The following TNIK variants were observed in gnomAD, a reference collection of about 807,000 sequenced individuals.
TNIK encodes the protein TRAF2 and NCK interacting kinase.
TNIK carries 49 observed loss-of-function variants against 191.3 expected under a neutral mutation model. The ratio of observed to expected loss-of-function variants is 0.26; its 90% CI spans 0.20 to 0.32. TNIK has a LOEUF of 0.32. Among genes scored for constraint, TNIK ranks in the 10% least tolerant of loss-of-function variants. The pLI is 1.00. For missense variants in TNIK, 1,155 were observed against 1,702.3 expected, an observed-to-expected ratio of 0.68 and a Z score of 5.66; for synonymous variants, 594 against 600.9, an observed-to-expected ratio of 0.99 and a Z score of 0.17.
At chr3:171,155,779 C>T (rs1312604956) in intron 12 of TNIK, among the ~76,000 whole-genome samples, 1 of 152,218 alleles carries the variant, frequency 6.6e-6, no homozygotes, top group Non-Finnish European at 1.5e-5. Flanking sequence ...GGATAAAAGA[C>T]TATAGACATA....
chr3:171,249,772 TGAGGCAAGTAGCGTCTTTCCCTGTCA>T (rs1297762316), intron 2 of TNIK, among the ~76,000 whole-genome samples: 46 of 152,316 alleles, frequency 3.0e-4, no homozygotes, highest in African/African-American at 1.1e-3. Context: ...CATCCACTCT[TGAGGCAAGTAGCGTCTTTCCCTGTCA>T]GTTGGAACCA....
intron 1 of TNIK, among the ~76,000 whole-genome samples, chr3:171,400,572 C>CAATAAATAAATAAATAAATAAATA (rs10529118): frequency 0.12 from 18,117 of 145,506 alleles, 1,306 homozygotes; most frequent in Middle Eastern, 0.16. Flanking sequence ...TCCTATCTCA[C>CAATAAATAAATAAATAAATAAATA]AATAAATAAA....
chr3:171,241,291 A>G (rs535926023), intron 2 of TNIK, among the ~76,000 whole-genome samples: 4 of 152,234 alleles, frequency 2.6e-5, no homozygotes, highest in African/African-American at 9.6e-5. Context: ...CAGCCTCCCA[A>G]AGTGCTGGGA....
intron 4 of TNIK, among the ~76,000 whole-genome samples, chr3:171,195,743 G>C (rs1018669127): frequency 6.6e-6 from 1 of 151,986 alleles, no homozygotes; most frequent in African/African-American, 2.4e-5. Context: ...ATTCCACAAC[G>C]GCTAGGGAAA....
At chr3:171,339,736 A>G (rs1023836920) in intron 2 of TNIK, among the ~76,000 whole-genome samples, 3 of 152,162 alleles carry the variant, frequency 2.0e-5, no homozygotes, top group African/African-American at 7.2e-5. Context: ...AGCTCTCTGG[A>G]TGTCCTGATG....
At chr3:171,398,513 C>T (rs1177000962) in intron 1 of TNIK, among the ~76,000 whole-genome samples, 2 of 152,150 alleles carry the variant, frequency 1.3e-5, no homozygotes, top group African/African-American at 4.8e-5. Context: ...AATCCAAACT[C>T]CTCTTGGTAT....
chr3:171,294,449 G>A (rs181402403), intron 2 of TNIK, among the ~76,000 whole-genome samples: 15 of 151,878 alleles, frequency 9.9e-5, no homozygotes, highest in Admixed American at 7.2e-4. Context: ...GGCCAGTCGC[G>A]GTGGCTCACA....
intron 1 of TNIK, among the ~76,000 whole-genome samples, chr3:171,432,725 G>C (rs1725526783): frequency 6.6e-6 from 1 of 152,112 alleles, no homozygotes; most frequent in Non-Finnish European, 1.5e-5. Flanking sequence ...TAAGCAATGT[G>C]AAGCCTCATA....
chr3:171,316,729 A>C (rs1754635835), intron 2 of TNIK, among the ~76,000 whole-genome samples: 1 of 152,018 alleles, frequency 6.6e-6, no homozygotes, highest in Non-Finnish European at 1.5e-5. Context: ...AAAGGAAAAA[A>C]TATATAGGAA....
intron 2 of TNIK, among the ~76,000 whole-genome samples, chr3:171,290,172 C>T (rs1039953566): frequency 6.6e-6 from 1 of 152,160 alleles, no homozygotes; most frequent in African/African-American, 2.4e-5. Flanking sequence ...CATCAACAGT[C>T]GATCATGCAT....
At position 171,093,951 on chromosome 3, in the gene TNIK, C is replaced by A; in HGVS notation, c.2609G>T (p.Gly870Val). ...IPRLIPTGAP[G>V]SNEQYNVGMV... ...TCCCACATTGTACTGCTCGTTGCTG[C>A]CTGGAGCTCCTGTTGGTCTGAGATG... is the stretch of plus-strand genomic sequence containing the variant. The change falls in exon 23 of 33, where the codon GGC (glycine) becomes GTC (valine). Residue 870 changes from glycine (G) to valine (V), a missense_variant. Physicochemically the swap from Gly to Val is moderately radical, Grantham distance 109. This residue lies in a region of TNIK where 735 missense variants were observed against 848.0 expected (regional missense o/e 0.87). Transcript: ENST00000436636. 1 of 1,613,064 alleles carries A rather than the reference C, an allele frequency of 6.2e-7. No homozygotes were observed. Among genetic ancestry groups the A allele is most frequent in the African/African-American group, 1.3e-5 (1 of 75,000 alleles).
chr3:171,315,876 A>C (rs996009405), intron 2 of TNIK, among the ~76,000 whole-genome samples: 1 of 152,178 alleles, frequency 6.6e-6, no homozygotes, highest in Non-Finnish European at 1.5e-5. Context: ...TTACATCTGC[A>C]GAGACCCTAT....
chr3:171,147,380 C>T (rs537306964), intron 12 of TNIK, among the ~76,000 whole-genome samples: 15 of 152,262 alleles, frequency 9.9e-5, no homozygotes, highest in Admixed American at 2.6e-4. Context: ...ATAAGCTTCA[C>T]GGGAGCTATA....
chr3:171,364,011 G>A (rs1715349144), intron 2 of TNIK, among the ~76,000 whole-genome samples: 2 of 152,132 alleles, frequency 1.3e-5, no homozygotes, highest in Admixed American at 1.3e-4. Context: ...AAAAAGTATA[G>A]GATTAGCATT....
At chr3:171,238,128 A>C (rs1744524648) in intron 2 of TNIK, among the ~76,000 whole-genome samples, 2 of 152,202 alleles carry the variant, frequency 1.3e-5, no homozygotes, top group Non-Finnish European at 1.5e-5. Context: ...AGACCTGCAT[A>C]TTGTTCTCTG....
At chr3:171,446,195 A>G (rs532312031) in intron 1 of TNIK, among the ~76,000 whole-genome samples, 24 of 152,370 alleles carry the variant, frequency 1.6e-4, no homozygotes, top group East Asian at 5.8e-4. Flanking sequence ...GTGCATTTGT[A>G]TCCAGATTAT....
At chr3:171,123,415 T>A (rs1728034557) in intron 18 of TNIK, among the ~76,000 whole-genome samples, 181 bp downstream of exon 18, 2 of 152,254 alleles carry the variant, frequency 1.3e-5, no homozygotes, top group African/African-American at 4.8e-5. Flanking sequence ...GAATACTGAT[T>A]TCTCTGAAAA....
chr3:171,309,224 G>C (rs554846659), intron 2 of TNIK, among the ~76,000 whole-genome samples: 19 of 152,078 alleles, frequency 1.2e-4, no homozygotes, highest in Non-Finnish European at 2.6e-4. Context: ...GCATCCATGA[G>C]AAAGAATGAG....
chr3:171,224,660 A>T (rs1469761637), intron 3 of TNIK, among the ~76,000 whole-genome samples: 1 of 152,138 alleles, frequency 6.6e-6, no homozygotes, highest in Non-Finnish European at 1.5e-5. Flanking sequence ...TCTCATGAGT[A>T]CTTCAGAGGT....
Sources: allele counts gnomAD v4.1 joint callset (sites outside exome capture counted in the v4.1 genomes callset), GRCh38; gene constraint gnomAD v4.1.1; regional missense constraint gnomAD v4.1.1; transcripts MANE v1.5; gene names NCBI Gene and HGNC (gene_info 2026-07-23, HGNC 2026-07-21).